RHO: variants seen among roughly 807,000 people sequenced by gnomAD.
RHO encodes the protein opsin 2, rod pigment.
Under a neutral mutation model 31.2 loss-of-function variants are expected in RHO, and 21 were observed. The observed-to-expected ratio is 0.67, with a 90% CI of 0.48 to 0.97. The LOEUF (loss-of-function observed/expected upper bound fraction) is 0.97. RHO is among the 50% of genes least tolerant of loss of function. The pLI is 0.00. For synonymous variants in RHO, 211 were observed against 196.6 expected, an observed-to-expected ratio of 1.07 and a Z score of -0.61; for missense variants, 414 against 479.5, an observed-to-expected ratio of 0.86 and a Z score of 1.28.
intron 4 of RHO, 137 bp from the exon 5 acceptor site, chr3:129,533,471 G>A (rs2084799322): frequency 1.3e-6 from 1 of 770,100 alleles, no homozygotes; most frequent in African/African-American, 1.7e-5. Flanking sequence ...CCTCCAGGAA[G>A]CTGGATTTGA....
Position 129,532,521 on chromosome 3 carries a change from C to G in RHO, c.697-12C>G. ...GGAGCCATGGTCTGGACCCGGGTCC[C>G]GTGTCCTGCAGGCCGCTGCCCAGCA... On this transcript the variant is annotated splice_polypyrimidine_tract_variant and intron_variant, in intron 3 of 4. Transcript: ENST00000296271. The surrounding 1 kb of genome is among the most constrained non-coding windows in gnomAD (Gnocchi z 5.5). The G allele has an allele frequency of 1.9e-6, 3 of 1,614,014 alleles. No homozygotes were observed. The highest frequency in any genetic ancestry group is 2.5e-6 in the Non-Finnish European group (3 of 1,180,020).
In RHO at chr3:129,531,183, G is replaced by T. The variant is rs908539146; in HGVS notation, c.530+139G>T. 1.7e-4 allele frequency: 166 copies of T among 950,808 alleles called. 1 individual carries two copies. The highest frequency in any genetic ancestry group is 6.2e-4 in the Middle Eastern group (2 of 3,214). 58.9% of individuals were successfully genotyped at this position (950,808 alleles called of 1,614,324 possible). A position where few individuals can be genotyped will look rare whatever the true frequency, so the allele number is the denominator to read the frequency against. ...GCCCAAATGCCCACTCAGGGTAGGG[G>T]TGTAGGGCAGAAGAAGAAACAGACT... On this transcript the variant is annotated intron_variant, in intron 2 of 4. Coordinates refer to ENST00000296271, the MANE Select transcript of RHO (RefSeq NM_000539.3).
Position 129,532,754 on chromosome 3 carries a change from T to C in RHO, c.918T>C (p.Tyr306=), listed in dbSNP as rs1303453819. The part of the protein sequence containing the change: ...KSAAIYNPVI[Y]IMMNKQFRNC... ...CCGCCATCTACAACCCTGTCATCTA[T>C]ATCATGATGAACAAGCAGGTGCCTA... Residue 306 remains tyrosine, a synonymous_variant, in exon 4 of 5, where the codon TAT becomes TAC. Coordinates refer to ENST00000296271, the MANE Select transcript of RHO (RefSeq NM_000539.3). This position sits in a 1 kb window ranked among gnomAD's most constrained non-coding sequence, Gnocchi z 5.5. 3.1e-6 allele frequency: 5 copies of C among 1,614,078 alleles called. No homozygotes were observed. The highest frequency in any genetic ancestry group is 1.6e-4 in the Middle Eastern group (1 of 6,084).
At chr3:129,529,794 G>T (rs745849174) in intron 1 of RHO, among the ~76,000 whole-genome samples, 1 of 152,246 alleles carries the variant, frequency 6.6e-6, no homozygotes, top group African/African-American at 2.4e-5. Flanking sequence ...CAGGAAAACA[G>T]ATGGGGTGCT....
chr3:129,530,964 G>C lies in RHO; in HGVS notation c.450G>C (p.Glu150Asp), dbSNP rs1171093745. The C allele has an allele frequency of 3.7e-6, 6 of 1,614,270 alleles. No individual in the cohort carries two copies. Among genetic ancestry groups the C allele is most frequent in the Non-Finnish European group, 5.1e-6 (6 of 1,180,050 alleles). Residue 150 changes from glutamate to aspartate, a missense_variant, in exon 2 of 5, where the codon GAG (glutamate) becomes GAC (aspartate). Glu to Asp is a conservative substitution (Grantham distance 45). Coordinates refer to ENST00000296271, the MANE Select transcript of RHO (RefSeq NM_000539.3). ...CCATGAGCAACTTCCGCTTCGGGGA[G>C]AACCATGCCATCATGGGCGTTGCCT... The part of the protein sequence containing the change: ...CKPMSNFRFG[E>D]NHAIMGVAFT...
At position 129,535,307 on chromosome 3, in the gene RHO, A is replaced by T. The variant is rs1250560275; in HGVS notation, c.*1589A>T. On this transcript the variant is annotated 3_prime_UTR_variant, in exon 5 of 5. Transcript: ENST00000296271. ...GCAGCACAGAGTCCCCTGGGGCTAG[A>T]GGTGGAGGAGGCAGTCCTGGGAATG... 1.3e-5 allele frequency: 2 copies of T among 152,498 alleles called. No homozygotes were observed. Among genetic ancestry groups the T allele is most frequent in the African/African-American group, 4.8e-5 (2 of 41,364 alleles). The allele number at this position is 152,498 out of a possible 1,614,324, so 9.4% of individuals were successfully genotyped here. A position where few individuals can be genotyped will look rare whatever the true frequency, so the allele number is the denominator to read the frequency against.
Position 129,529,506 on chromosome 3 carries a change from G to A in RHO, c.361+412G>A, listed in dbSNP as rs553108022. On this transcript the variant is annotated intron_variant, in intron 1 of 4. Transcript: ENST00000296271. ...AGCAGCTGTGCTGAGTCAGACCCAG[G>A]CTGGGCACTGAGGGAGAGCTGGGCA... Among the ~76,000 whole-genome samples the A allele has an allele frequency of 1.4e-3, 209 of 152,334 alleles. 1 individual carries two copies. The highest frequency in any genetic ancestry group is 4.3e-3 in the African/African-American group (177 of 41,576).
In RHO at chr3:129,529,090, G is replaced by A. The variant is rs1476531540; in HGVS notation, c.357G>A (p.Leu119=). 5.0e-6 allele frequency: 8 copies of A among 1,612,024 alleles called. No individual in the cohort carries two copies. The African/African-American group carries it at 9.3e-5, about 19-fold the overall frequency. Residue 119 remains leucine (L), a synonymous_variant, in exon 1 of 5, where the codon CTG becomes CTA. Transcript: ENST00000296271. ...GCNLEGFFAT[L]GGEIALWSLV... ...ATTTGGAGGGCTTCTTTGCCACCCT[G>A]GGCGGTATGAGCCGGGTGTGGGTGG...
intron 2 of RHO, 37 bp downstream of exon 2, chr3:129,531,081 G>A (rs1372241746): frequency 1.2e-6 from 2 of 1,605,924 alleles, no homozygotes; most frequent in Non-Finnish European, 1.7e-6. Flanking sequence ...AGCTCCGGGG[G>A]CTCTTTGTAG....
intron 4 of RHO, among the ~76,000 whole-genome samples, chr3:129,533,133 A>G (rs1387966572): frequency 6.6e-6 from 1 of 152,052 alleles, no homozygotes; most frequent in African/African-American, 2.4e-5. Context: ...AAGGAGCTAA[A>G]AAGTCTTATT....
rs1422016730 is a variant in RHO at position 129,532,366 on chromosome 3, A to T, written c.646A>T (p.Met216Leu). 2 of 1,613,700 alleles carry T rather than the reference A, an allele frequency of 1.2e-6. No homozygotes were observed. The change falls in exon 3 of 5, where the codon ATG becomes TTG. Residue 216 changes from methionine (M) to leucine (L), a missense_variant. Physicochemically the swap from Met to Leu is conservative, Grantham distance 15. Transcript: ENST00000296271. This position sits in a 1 kb window ranked among gnomAD's most constrained non-coding sequence, Gnocchi z 5.5. ...YMFVVHFTIP[M>L]IIIFFCYGQL... ...GTTCGTGGTCCACTTCACCATCCCC[A>T]TGATTATCATCTTTTTCTGCTATGG...
chr3:129,533,391 G>A (rs1397252875), intron 4 of RHO, among the ~76,000 whole-genome samples: 2 of 152,186 alleles, frequency 1.3e-5, no homozygotes, highest in Admixed American at 6.5e-5. Context: ...GAAATGTCAC[G>A]GGTGACACAG....
At position 129,532,681 on chromosome 3, in the gene RHO, A is replaced by G; in HGVS notation, c.845A>G (p.Asn282Ser). The change falls in exon 4 of 5, where the codon AAC becomes AGC. Residue 282 changes from asparagine (N) to serine (S), a missense_variant. Physicochemically the swap from Asn to Ser is conservative, Grantham distance 46. Transcript: ENST00000296271. This position sits in a 1 kb window ranked among gnomAD's most constrained non-coding sequence, Gnocchi z 5.5. ...TACATCTTCACCCACCAGGGCTCCA[A>G]CTTCGGTCCCATCTTCATGACCATC... ...AFYIFTHQGSNFGPIFMTIPA... is the reference protein window; with the variant it reads ...AFYIFTHQGSSFGPIFMTIPA... The G allele has an allele frequency of 1.2e-6, 2 of 1,614,226 alleles. No homozygotes were observed. The highest frequency in any genetic ancestry group is 2.7e-5 in the African/African-American group (2 of 75,058).
chr3:129,530,402 G>T, intron 1 of RHO, among the ~76,000 whole-genome samples: 1 of 151,826 alleles, frequency 6.6e-6, no homozygotes, highest in South Asian at 2.1e-4. Flanking sequence ...TTCATTTCCC[G>T]AGAAGGGAGA....
rs141468335 is a variant in RHO, at chr3:129,532,307, C to T, written c.587C>T (p.Pro196Leu). ...GGAATCGACTACTACACGCTCAAGC[C>T]GGAGGTCAACAACGAGTCTTTTGTC... is the stretch of plus-strand genomic sequence containing the variant. ...SCGIDYYTLK[P>L]EVNNESFVIY... The change falls in exon 3 of 5, where the codon CCG (proline) becomes CTG (leucine). Residue 196 changes from proline to leucine, a missense_variant. Transcript: ENST00000296271. This position sits in a 1 kb window ranked among gnomAD's most constrained non-coding sequence, Gnocchi z 5.5. The T allele has an allele frequency of 2.6e-5, 42 of 1,613,932 alleles. No individual in the cohort carries two copies. The highest frequency in any genetic ancestry group is 2.4e-4 in the African/African-American group (18 of 74,890).
chr3:129,531,019 G>A lies in RHO; in HGVS notation c.505G>A (p.Ala169Thr), dbSNP rs377687329. The change falls in exon 2 of 5, where the codon GCA (alanine) becomes ACA (threonine). Residue 169 changes from alanine to threonine, a missense_variant. By Grantham distance (58) the Ala-to-Thr change is moderately conservative (BLOSUM62 0). Coordinates refer to ENST00000296271, the MANE Select transcript of RHO (RefSeq NM_000539.3). ...CTGGGTCATGGCGCTGGCCTGCGCC[G>A]CACCCCCACTCGCCGGCTGGTCCAG... ...FTWVMALACA[A>T]PPLAGWSRYI... 2.5e-5 allele frequency: 40 copies of A among 1,613,890 alleles called. No individual in the cohort carries two copies. Among genetic ancestry groups the A allele is most frequent in the Admixed American group, 8.3e-5 (5 of 60,016 alleles).
chr3:129,530,039 C>T (rs1367455258), intron 1 of RHO, among the ~76,000 whole-genome samples: 2 of 152,202 alleles, frequency 1.3e-5, no homozygotes, highest in Non-Finnish European at 2.9e-5. Context: ...GCCCTGTCTC[C>T]CCCATGTCCA....
chr3:129,531,707 C>A (rs2084781512), intron 2 of RHO, among the ~76,000 whole-genome samples: 1 of 152,218 alleles, frequency 6.6e-6, no homozygotes, highest in Non-Finnish European at 1.5e-5. Context: ...GGAAGCAGAG[C>A]CGCTGGACGC....
At chr3:129,529,842 T>C (rs2084765301) in intron 1 of RHO, among the ~76,000 whole-genome samples, 1 of 152,196 alleles carries the variant, frequency 6.6e-6, no homozygotes, top group Non-Finnish European at 1.5e-5. Context: ...AGAGGAAAAC[T>C]GAGGCAGGGA....
Sources: allele counts gnomAD v4.1 joint callset (sites outside exome capture counted in the v4.1 genomes callset), GRCh38; gene constraint gnomAD v4.1.1; non-coding constraint Gnocchi (gnomAD v3.1); transcripts MANE v1.5; gene names NCBI Gene and HGNC (gene_info 2026-07-23, HGNC 2026-07-21).